Variants in TMCC3 observed in about 807,000 individuals in gnomAD.
TMCC3 encodes the protein transmembrane and coiled-coil domain family 3.
Under a neutral mutation model 40.2 loss-of-function variants are expected in TMCC3, and 28 were observed. The observed-to-expected ratio is 0.70, with a 90% confidence interval of 0.52 to 0.95. The LOEUF (loss-of-function observed/expected upper bound fraction) is 0.95. Ranked by LOEUF, TMCC3 falls within the 40% of genes least tolerant of loss-of-function variation. TMCC3 has a pLI of 0.00. For synonymous variants in TMCC3, 255 were observed against 248.5 expected (o/e 1.03, Z -0.25); for missense variants, 554 against 615.2 (o/e 0.90, Z 1.05).
rs552485823 is a variant in TMCC3 at position 94,578,606 on chromosome 12, C to T, written c.996-77G>A. On this transcript the variant is annotated intron_variant, in intron 2 of 3. Transcript: ENST00000261226. ...GAACGATGTCCTTTTTATCTTCCTGCGCCAGTACCTTTTGGCTTGCTCTCA... is the reference window on the plus strand; with the variant it reads ...GAACGATGTCCTTTTTATCTTCCTGTGCCAGTACCTTTTGGCTTGCTCTCA... The T allele has an allele frequency of 3.3e-5, 49 of 1,489,810 alleles. No individual in the cohort carries two copies. In the African/African-American group the frequency reaches 3.9e-4, roughly 12 times the overall value. The allele number at this position is 1,489,810 out of a possible 1,614,324, so 92.3% of individuals were successfully genotyped here. A position where few individuals can be genotyped will look rare whatever the true frequency, so the allele number is the denominator to read the frequency against.
rs769446409 is a variant in TMCC3, at chr12:94,571,375, T to A, written c.*60A>T. The stretch of plus-strand genomic sequence containing the variant: ...TCATTCACTGTAAAATTTGGTAGTA[T>A]GCACAGAGTTTTCTTTAAAATAAAA... On this transcript the variant is annotated 3_prime_UTR_variant, in exon 4 of 4. Coordinates refer to ENST00000261226, the MANE Select transcript of TMCC3 (RefSeq NM_020698.4). 5 of 1,553,510 alleles carry A rather than the reference T, an allele frequency of 3.2e-6. No homozygotes were observed. In the Admixed American group the frequency reaches 9.0e-5, roughly 28 times the overall value.
At chr12:94,582,965 CTTTTTTT>C (rs753900771) in intron 1 of TMCC3, among the ~76,000 whole-genome samples, 4 of 59,954 alleles carry the variant, frequency 6.7e-5, no homozygotes, top group South Asian at 6.2e-4. Flanking sequence ...GAAGGAGAAT[CTTTTTTT>C]TTTTTTTTTT....
At chr12:94,636,717 T>C (rs143521043) in intron 1 of TMCC3, among the ~76,000 whole-genome samples, 11 of 152,368 alleles carry the variant, frequency 7.2e-5, no homozygotes, top group East Asian at 5.8e-4. Context: ...ATGCTGTTCA[T>C]TGGCCCTGAA....
intron 1 of TMCC3, among the ~76,000 whole-genome samples, chr12:94,623,163 A>G (rs1300728985): frequency 1.3e-5 from 2 of 152,194 alleles, no homozygotes; most frequent in Admixed American, 1.3e-4. Flanking sequence ...TTTCTCTGAA[A>G]AGAAAAGATA....
chr12:94,584,347 T>C (rs900855783), intron 1 of TMCC3, among the ~76,000 whole-genome samples: 7 of 152,134 alleles, frequency 4.6e-5, no homozygotes, highest in Non-Finnish European at 8.8e-5. Context: ...CCTTCCACCA[T>C]GAGTAAAAGC....
At chr12:94,622,419 T>G (rs1054286297) in intron 1 of TMCC3, among the ~76,000 whole-genome samples, 1 of 152,210 alleles carries the variant, frequency 6.6e-6, no homozygotes, top group Non-Finnish European at 1.5e-5. Flanking sequence ...CCTCTCTTGT[T>G]AGGTACTTAC....
chr12:94,583,647 G>T (rs1311710000), intron 1 of TMCC3, among the ~76,000 whole-genome samples: 1 of 152,208 alleles, frequency 6.6e-6, no homozygotes, highest in Non-Finnish European at 1.5e-5. Context: ...GCTCTAAAAG[G>T]AAAAGGCAGA....
intron 1 of TMCC3, among the ~76,000 whole-genome samples, chr12:94,591,755 C>T (rs1401260422): frequency 6.6e-6 from 1 of 152,076 alleles, no homozygotes; most frequent in Non-Finnish European, 1.5e-5. Context: ...GAGGGAGACC[C>T]TGTCTCTAAA....
At chr12:94,608,552 T>A (rs2068796686) in intron 1 of TMCC3, among the ~76,000 whole-genome samples, 2 of 151,690 alleles carry the variant, frequency 1.3e-5, no homozygotes, top group South Asian at 4.2e-4. Context: ...ATCTAACTCC[T>A]CTCTCTCCAG....
Position 94,569,237 on chromosome 12 carries a change from C to T in TMCC3, c.*2198G>A, listed in dbSNP as rs1027084246. ...ATACCAAGAGGGGCCCACCCAGGCC[C>T]CAGCTTGATTTAGGAGTGTAAGTTA... On this transcript the variant is annotated 3_prime_UTR_variant, in exon 4 of 4. Coordinates refer to ENST00000261226, the MANE Select transcript of TMCC3 (RefSeq NM_020698.4). 3 of 152,378 alleles carry T rather than the reference C, an allele frequency of 2.0e-5. No homozygotes were observed. Among genetic ancestry groups the T allele is most frequent in the Admixed American group, 1.3e-4 (2 of 15,302 alleles). 9.4% of individuals were successfully genotyped at this position (152,378 alleles called of 1,614,324 possible). A position where few individuals can be genotyped will look rare whatever the true frequency, so the allele number is the denominator to read the frequency against.
intron 1 of TMCC3, among the ~76,000 whole-genome samples, chr12:94,646,898 G>A (rs1487892012): frequency 6.6e-6 from 1 of 152,118 alleles, no homozygotes; most frequent in African/African-American, 2.4e-5. Flanking sequence ...AGCTCGAAGA[G>A]CCAGAATACA....
chr12:94,597,812 A>C (rs1447927189), intron 1 of TMCC3, among the ~76,000 whole-genome samples: 1 of 152,098 alleles, frequency 6.6e-6, no homozygotes, highest in Admixed American at 6.5e-5. Flanking sequence ...GTCTCAAAAA[A>C]TAAATAAATA....
intron 1 of TMCC3, among the ~76,000 whole-genome samples, chr12:94,594,009 G>A (rs2068699454): frequency 6.6e-6 from 1 of 152,040 alleles, no homozygotes; most frequent in Admixed American, 6.5e-5. Flanking sequence ...CACAGTCCCT[G>A]GGGAGGAAAC....
At chr12:94,630,078 C>T (rs2068924334) in intron 1 of TMCC3, among the ~76,000 whole-genome samples, 1 of 152,034 alleles carries the variant, frequency 6.6e-6, no homozygotes, top group South Asian at 2.1e-4. Context: ...CCAGCCTGGC[C>T]AACATGGCAA....
At chr12:94,632,137 G>A (rs1490753686) in intron 1 of TMCC3, among the ~76,000 whole-genome samples, 1 of 152,216 alleles carries the variant, frequency 6.6e-6, no homozygotes, top group African/African-American at 2.4e-5. Flanking sequence ...GTAACTGTCA[G>A]GTGCTAAGCA....
chr12:94,580,620 A>T (rs768411252), intron 2 of TMCC3, among the ~76,000 whole-genome samples: 17 of 152,140 alleles, frequency 1.1e-4, no homozygotes, highest in Non-Finnish European at 2.1e-4. Flanking sequence ...GTATAATCCC[A>T]GCTACTCGGG....
At chr12:94,584,687 C>T (rs1425989573) in intron 1 of TMCC3, among the ~76,000 whole-genome samples, 2 of 151,476 alleles carry the variant, frequency 1.3e-5, no homozygotes, top group Non-Finnish European at 2.9e-5. Context: ...GCTCTTAGCC[C>T]CTCTCTTCCA....
chr12:94,623,142 A>G (rs1384985304), intron 1 of TMCC3, among the ~76,000 whole-genome samples: 1 of 152,176 alleles, frequency 6.6e-6, no homozygotes, highest in African/African-American at 2.4e-5. Flanking sequence ...AATGTTGCCA[A>G]GAGCTCATTA....
intron 1 of TMCC3, among the ~76,000 whole-genome samples, chr12:94,627,019 C>T (rs2068907523): frequency 6.6e-6 from 1 of 152,012 alleles, no homozygotes; most frequent in Admixed American, 6.5e-5. Flanking sequence ...CACTACCACA[C>T]CAGGCTAATT....
Sources: gnomAD v4.1 joint callset for allele counts (sites outside exome capture counted in the v4.1 genomes callset) on GRCh38, gnomAD v4.1.1 for gene constraint, MANE v1.5 for transcripts, NCBI Gene and HGNC (gene_info 2026-07-23, HGNC 2026-07-21) for gene names.